ZNF525: variants seen among roughly 807,000 people sequenced by gnomAD.
ZNF525 encodes the protein zinc finger protein 525.
A neutral mutation model predicts 37.6 loss-of-function variants in ZNF525; 33 were observed. The ratio of observed to expected loss-of-function variants is 0.88; its 90% CI spans 0.67 to 1.17. The LOEUF (loss-of-function observed/expected upper bound fraction) is 1.17. ZNF525 is among the 50% of genes most tolerant of loss of function. ZNF525 has a pLI of 0.00. For missense variants in ZNF525, 449 were observed against 543.1 expected, an observed-to-expected ratio of 0.83 and a Z score of 1.72; for synonymous variants, 170 against 182.3, an observed-to-expected ratio of 0.93 and a Z score of 0.54.
At chr19:53,374,698 GTA>G (rs1264187609) in intron 2 of ZNF525, among the ~76,000 whole-genome samples, 2 of 151,990 alleles carry the variant, frequency 1.3e-5, no homozygotes, top group Non-Finnish European at 2.9e-5. Flanking sequence ...ATATACATAC[GTA>G]TAGACACACA....
intron 1 of ZNF525, among the ~76,000 whole-genome samples, chr19:53,366,086 G>T (rs1372974340): frequency 6.6e-6 from 1 of 152,126 alleles, no homozygotes; most frequent in Non-Finnish European, 1.5e-5. Context: ...CGCCCTGGGC[G>T]CCTCCCAGCC....
At chr19:53,374,581 C>G (rs2085508915) in intron 2 of ZNF525, among the ~76,000 whole-genome samples, 1 of 152,328 alleles carries the variant, frequency 6.6e-6, no homozygotes, top group South Asian at 2.1e-4. Context: ...CCCCAACCGC[C>G]AAAGTGTCCT....
chr19:53,374,425 A>G (rs900373876), intron 2 of ZNF525, among the ~76,000 whole-genome samples: 2 of 152,214 alleles, frequency 1.3e-5, no homozygotes, highest in African/African-American at 2.4e-5. Context: ...CCCTGTATAA[A>G]GAGTGCCATA....
At chr19:53,370,534 G>A (rs187437990) in intron 1 of ZNF525, among the ~76,000 whole-genome samples, 65 of 152,136 alleles carry the variant, frequency 4.3e-4, no homozygotes, top group African/African-American at 1.4e-3. Context: ...TGGAGATGAG[G>A]GGCTAGACCA....
At position 53,381,949 on chromosome 19, in the gene ZNF525, A is replaced by G. The variant is rs761819863; in HGVS notation, c.1370A>G (p.His457Arg). The G allele has an allele frequency of 1.0e-5, 10 of 987,452 alleles. No individual in the cohort carries two copies. The African/African-American group carries it at 1.3e-4, about 13-fold the overall frequency. The allele number at this position is 987,452 out of a possible 1,614,324, so 61.2% of individuals were successfully genotyped here. ...TFSQELSLTC[H>R]CRLHSGEKPC... ...AGTCAGGAGTTATCCCTTACCTGCCATTGTAGACTTCATAGTGGAGAGAAA... is the reference window on the plus strand; with the variant it reads ...AGTCAGGAGTTATCCCTTACCTGCCGTTGTAGACTTCATAGTGGAGAGAAA... Residue 457 changes from histidine to arginine, a missense_variant, in exon 4 of 4, where the codon CAT becomes CGT. His to Arg is a conservative substitution (Grantham distance 29, BLOSUM62 0). Transcript: ENST00000474037.
intron 1 of ZNF525, among the ~76,000 whole-genome samples, chr19:53,371,501 A>G (rs758996638): frequency 6.6e-6 from 1 of 152,098 alleles, no homozygotes; most frequent in Non-Finnish European, 1.5e-5. Flanking sequence ...TCTCCCGAGT[A>G]ACTGGGATTA....
rs2085578922 is a variant in ZNF525, at chr19:53,383,052, C to T, written c.*1033C>T. 6.9e-7 allele frequency: 1 copy of T among 1,440,446 alleles called. No individual in the cohort carries two copies. The highest frequency in any genetic ancestry group is 1.4e-5 in the African/African-American group (1 of 71,186). The allele number at this position is 1,440,446 out of a possible 1,614,324, so 89.2% of individuals were successfully genotyped here. A position where few individuals can be genotyped will look rare whatever the true frequency, so the allele number is the denominator to read the frequency against. ...CTTGCATGTCATCATAGACTTCATA[C>T]TGGAGAGAACGCTTGCAAGTGTAAT... On this transcript the variant is annotated 3_prime_UTR_variant, in exon 4 of 4. Transcript: ENST00000474037.
chr19:53,381,363 C>G lies in ZNF525; in HGVS notation c.784C>G (p.Arg262Gly). 6.3e-7 allele frequency: 1 copy of G among 1,595,312 alleles called. No homozygotes were observed. The highest frequency in any genetic ancestry group is 2.2e-5 in the East Asian group (1 of 44,802). ...TCGGAAGCGATACCTTGCACGCCAT[C>G]GTAGATGTCACACTGGTGAGAAACC... The part of the protein sequence containing the change: ...FIRKRYLARH[R>G]RCHTGEKPYK... Residue 262 changes from arginine to glycine, a missense_variant, in exon 4 of 4, where the codon CGT (arginine) becomes GGT (glycine). Physicochemically the swap from Arg to Gly is moderately radical, Grantham distance 125. Transcript: ENST00000474037.
intron 1 of ZNF525, among the ~76,000 whole-genome samples, chr19:53,370,893 T>C (rs1261613500): frequency 6.6e-6 from 1 of 152,204 alleles, no homozygotes; most frequent in Non-Finnish European, 1.5e-5. Flanking sequence ...CAGCCCTGTG[T>C]CCAGGGCCCC....
rs532241492 is a variant in ZNF525 at position 53,381,905 on chromosome 19, T to C, written c.1326T>C (p.Asn442=). Residue 442 remains asparagine, a synonymous_variant, in exon 4 of 4, where the codon AAT becomes AAC. Transcript: ENST00000474037. ...IHNGEKLYKC[N]ECGKTFSQEL... is the part of the protein sequence containing the mutation. ...ATGGAGAGAAACTGTACAAATGTAA[T>C]GAGTGTGGCAAGACCTTCAGTCAGG... The C allele has an allele frequency of 2.0e-6, 2 of 979,902 alleles. No individual in the cohort carries two copies. Among genetic ancestry groups the C allele is most frequent in the East Asian group, 4.8e-5 (2 of 42,046 alleles). 60.7% of individuals were successfully genotyped at this position (979,902 alleles called of 1,614,324 possible). A position where few individuals can be genotyped will look rare whatever the true frequency, so the allele number is the denominator to read the frequency against.
rs188482460 is a variant in ZNF525, at chr19:53,381,240, G to A, written c.661G>A (p.Gly221Ser). Residue 221 changes from glycine (G) to serine (S), a missense_variant, in exon 4 of 4, where the codon GGC (glycine) becomes AGC (serine). Physicochemically the swap from Gly to Ser is moderately conservative, Grantham distance 56. Transcript: ENST00000474037. ...REKSFQCIES[G>S]KAFNYSSLLR... ...AAAATCTTTCCAATGTATTGAGAGT[G>A]GCAAAGCCTTTAATTATAGCTCACT... 12 of 1,360,754 alleles carry A rather than the reference G, an allele frequency of 8.8e-6. No individual in the cohort carries two copies. The African/African-American group carries it at 1.7e-4, about 19-fold the overall frequency. 84.3% of individuals were successfully genotyped at this position (1,360,754 alleles called of 1,614,324 possible). A position where few individuals can be genotyped will look rare whatever the true frequency, so the allele number is the denominator to read the frequency against.
Position 53,381,218 on chromosome 19 carries a change from ATCTT to A in ZNF525, c.642_645del (p.Phe215AsnfsTer15), listed in dbSNP as rs1410988622. The A allele has an allele frequency of 7.4e-7, 1 of 1,346,862 alleles. No individual in the cohort carries two copies. The highest frequency in any genetic ancestry group is 1.4e-5 in the African/African-American group (1 of 69,750). 83.4% of individuals were successfully genotyped at this position (1,346,862 alleles called of 1,614,324 possible). A position where few individuals can be genotyped will look rare whatever the true frequency, so the allele number is the denominator to read the frequency against. On this transcript the variant is annotated frameshift_variant, in exon 4 of 4. Transcript: ENST00000474037. LOFTEE classifies it high-confidence loss of function. The stretch of plus-strand genomic sequence containing the variant: ...GACAGGAAGTACGCATGAGAGAAAA[ATCTT>A]TCCAATGTATTGAGAGTGGCAAAGC...
At chr19:53,379,108 T>G (rs945312290) in intron 3 of ZNF525, among the ~76,000 whole-genome samples, 1 of 150,564 alleles carries the variant, frequency 6.6e-6, no homozygotes, top group Non-Finnish European at 1.5e-5. Flanking sequence ...TCCGGCACTA[T>G]TAGTCAATTC....
Position 53,382,533 on chromosome 19 carries a change from A to G in ZNF525, c.*514A>G, listed in dbSNP as rs769681599. 1.2e-5 allele frequency: 8 copies of G among 669,618 alleles called. No individual in the cohort carries two copies. Among genetic ancestry groups the G allele is most frequent in the Non-Finnish European group, 2.2e-5 (8 of 357,384 alleles). 41.5% of individuals were successfully genotyped at this position (669,618 alleles called of 1,614,324 possible). A position where few individuals can be genotyped will look rare whatever the true frequency, so the allele number is the denominator to read the frequency against. On this transcript the variant is annotated 3_prime_UTR_variant, in exon 4 of 4. Coordinates refer to ENST00000474037, the MANE Select transcript of ZNF525 (RefSeq NM_001348156.2). The stretch of plus-strand genomic sequence containing the variant: ...CTTCAGTAAGGAGTTAACACATGCC[A>G]TCATAGACGTCATACTGGAGAGAAA...
At chr19:53,373,945 G>A (rs985486359) in intron 2 of ZNF525, among the ~76,000 whole-genome samples, 1 of 152,032 alleles carries the variant, frequency 6.6e-6, no homozygotes, top group African/African-American at 2.4e-5. Context: ...CATCACTCTG[G>A]TATTAAGCCC....
chr19:53,375,351 C>G (rs990225913), intron 2 of ZNF525, among the ~76,000 whole-genome samples: 2 of 152,172 alleles, frequency 1.3e-5, no homozygotes, highest in African/African-American at 2.4e-5. Context: ...CTTTGAGAGA[C>G]TGTATCAGGC....
chr19:53,378,853 G>A (rs1024813052), intron 3 of ZNF525, among the ~76,000 whole-genome samples: 35 of 152,194 alleles, frequency 2.3e-4, no homozygotes, highest in Admixed American at 2.2e-3. Context: ...CTCTGAACAT[G>A]GCGTTTGGCC....
intron 3 of ZNF525, among the ~76,000 whole-genome samples, chr19:53,379,966 C>G (rs2085547704): frequency 6.6e-6 from 1 of 152,000 alleles, no homozygotes; most frequent in Non-Finnish European, 1.5e-5. Context: ...CAGGCCATTG[C>G]CCTCCAGCCT....
intron 1 of ZNF525, among the ~76,000 whole-genome samples, chr19:53,367,535 GGTAAGGGA>G (rs1464880796): frequency 6.6e-6 from 1 of 152,080 alleles, no homozygotes; most frequent in African/African-American, 2.4e-5. Context: ...AGAGGTAAGA[GGTAAGGGA>G]GTATTAAACC....
Sources: gnomAD v4.1 joint callset for allele counts (sites outside exome capture counted in the v4.1 genomes callset) on GRCh38, gnomAD v4.1.1 for gene constraint, MANE v1.5 for transcripts, NCBI Gene and HGNC (gene_info 2026-07-23, HGNC 2026-07-21) for gene names.